Variants in CASC3 observed in about 807,000 individuals in gnomAD.
CASC3 encodes the protein CASC3 exon junction complex subunit, also known as protein CASC3.
In CASC3, 30 loss-of-function variants were observed where a neutral mutation model predicts 80.5. The observed-to-expected ratio is 0.37, with a 90% CI of 0.28 to 0.51. The LOEUF (loss-of-function observed/expected upper bound fraction) is 0.51. Among genes scored for constraint, CASC3 ranks in the 20% least tolerant of loss-of-function variants. The probability of loss-of-function intolerance (pLI) is 0.94; values close to 1 mark genes in which losing one functional copy is unlikely to be tolerated. For synonymous variants in CASC3, 312 were observed against 333.6 expected, an observed-to-expected ratio of 0.94 and a Z score of 0.70; for missense variants, 824 against 922.2, an observed-to-expected ratio of 0.89 and a Z score of 1.38.
Position 40,170,892 on chromosome 17 carries a change from G to C in CASC3, c.*487G>C. The C allele has an allele frequency of 1.0e-6, 1 of 985,236 alleles. No individual in the cohort carries two copies. Among genetic ancestry groups the C allele is most frequent in the Non-Finnish European group, 1.2e-6 (1 of 829,864 alleles). 61.0% of individuals were successfully genotyped at this position (985,236 alleles called of 1,614,324 possible). A position where few individuals can be genotyped will look rare whatever the true frequency, so the allele number is the denominator to read the frequency against. On this transcript the variant is annotated 3_prime_UTR_variant, in exon 14 of 14. Transcript: ENST00000264645. ...CTCTCCCTGCCTTTAAATGAAACAA[G>C]TCTAGTCTTCTGGTTTTCTAGCCCC...
intron 1 of CASC3, chr17:40,140,981 A>T (rs1227948581): frequency 1.6e-6 from 1 of 633,852 alleles, no homozygotes; most frequent in Admixed American, 3.2e-5. Flanking sequence ...TTCTGGGAGG[A>T]TGGTAGAGCC....
rs1230222352 is a variant in CASC3, at chr17:40,170,618, T to C, written c.*213T>C. 1.0e-6 allele frequency: 1 copy of C among 985,446 alleles called. No homozygotes were observed. Among genetic ancestry groups the C allele is most frequent in the Non-Finnish European group, 1.2e-6 (1 of 829,964 alleles). 61.0% of individuals were successfully genotyped at this position (985,446 alleles called of 1,614,324 possible). A position where few individuals can be genotyped will look rare whatever the true frequency, so the allele number is the denominator to read the frequency against. ...GGAGAAACAAGTGGACCTCGTCCCATCTTCACTCTTCACTTGAGTTGGCTG... is the reference window on the plus strand; with the variant it reads ...GGAGAAACAAGTGGACCTCGTCCCACCTTCACTCTTCACTTGAGTTGGCTG... On this transcript the variant is annotated 3_prime_UTR_variant, in exon 14 of 14. Transcript: ENST00000264645.
intron 8 of CASC3, 109 bp downstream of exon 8, chr17:40,166,970 T>G: frequency 1.2e-6 from 1 of 810,160 alleles, no homozygotes; most frequent in Non-Finnish European, 1.9e-6. Context: ...TTTCTTTCTT[T>G]TTTTTTGAGA....
At position 40,167,953 on chromosome 17, in the gene CASC3, G is replaced by GCTTT; in HGVS notation, c.1750+6_1750+9dup. ...GAATGAACCTTCCCCACCCAGGTAA[G>GCTTT]CTTTGTGTCTCTGCTTATATGCTTC... On this transcript the variant is annotated splice_donor_region_variant and intron_variant, in intron 10 of 13. Transcript: ENST00000264645. The GCTTT allele has an allele frequency of 6.2e-7, 1 of 1,613,278 alleles. No homozygotes were observed. Among genetic ancestry groups the GCTTT allele is most frequent in the Non-Finnish European group, 8.5e-7 (1 of 1,179,324 alleles).
intron 3 of CASC3, among the ~76,000 whole-genome samples, chr17:40,148,898 T>C (rs770217978): frequency 5.3e-5 from 8 of 152,060 alleles, no homozygotes; most frequent in Non-Finnish European, 8.8e-5. Flanking sequence ...CTGAAGGTTT[T>C]GGTTTCTTTT....
chr17:40,161,652 CTGGG>C (rs1989303038), intron 3 of CASC3, 97 bp from the exon 4 acceptor site: 1 of 1,013,270 alleles, frequency 9.9e-7, no homozygotes, highest in Non-Finnish European at 1.5e-6. Context: ...GTATTCCAGC[CTGGG>C]TGACAGAGAC....
intron 7 of CASC3, among the ~76,000 whole-genome samples, chr17:40,165,494 G>A (rs984137267): frequency 9.9e-5 from 15 of 152,086 alleles, no homozygotes; most frequent in African/African-American, 2.4e-5. Flanking sequence ...GCACCTGCCC[G>A]GTCATCATTG....
intron 5 of CASC3, 113 bp from the exon 6 acceptor site, chr17:40,162,612 G>A (rs1361612572): frequency 2.4e-5 from 22 of 905,730 alleles, no homozygotes; most frequent in Non-Finnish European, 3.7e-5. Flanking sequence ...GGATGATGAG[G>A]AGACTACGTA....
At chr17:40,150,659 G>C (rs1347874630) in intron 3 of CASC3, among the ~76,000 whole-genome samples, 1 of 152,104 alleles carries the variant, frequency 6.6e-6, no homozygotes, top group Non-Finnish European at 1.5e-5. Flanking sequence ...TGGATGCATT[G>C]AAAAATTAGA....
Position 40,141,209 on chromosome 17 carries a change from G to T in CASC3, c.234G>T (p.Glu78Asp). The change falls in exon 2 of 14, where the codon GAG (glutamate) becomes GAT (aspartate). Residue 78 changes from glutamate (E) to aspartate (D), a missense_variant and splice_region_variant. Around this residue, in one of 3 missense-constraint regions of CASC3, gnomAD observed 159 missense variants for 122.2 expected, o/e 1.30. Coordinates refer to ENST00000264645, the MANE Select transcript of CASC3 (RefSeq NM_007359.5). ...GAKSAEESEC[E>D]SEDGIEGDAV... ...CCATGTCTTCTGCTTTCTTTCAGGA[G>T]AGTGAAGATGGCATTGAAGGTGATG... 5 of 1,613,918 alleles carry T rather than the reference G, an allele frequency of 3.1e-6. No individual in the cohort carries two copies. The South Asian group carries it at 5.5e-5, about 18-fold the overall frequency.
intron 7 of CASC3, among the ~76,000 whole-genome samples, chr17:40,164,674 T>C (rs2145179154): frequency 6.6e-6 from 1 of 151,608 alleles, no homozygotes; most frequent in East Asian, 1.9e-4. Flanking sequence ...CTTGATCTCT[T>C]GACCTTGTGA....
intron 1 of CASC3, chr17:40,140,993 C>T: frequency 4.7e-6 from 3 of 633,398 alleles, no homozygotes; most frequent in Non-Finnish European, 8.2e-6. Context: ...GGTAGAGCCG[C>T]TGGAGATGGA....
chr17:40,157,418 G>A (rs1195950238), intron 3 of CASC3, among the ~76,000 whole-genome samples: 2 of 152,058 alleles, frequency 1.3e-5, no homozygotes, highest in African/African-American at 4.8e-5. Flanking sequence ...CCTCATGCCT[G>A]TAATCCCAGC....
At chr17:40,141,514 CA>C in intron 2 of CASC3, 55 bp from the exon 3 acceptor site, 12 of 1,476,688 alleles carry the variant, frequency 8.1e-6, no homozygotes, top group South Asian at 8.0e-5. Context: ...CTGTAATAAG[CA>C]GCCAAAAAAT....
At chr17:40,164,539 C>T (rs1039404741) in intron 7 of CASC3, among the ~76,000 whole-genome samples, 3 of 151,872 alleles carry the variant, frequency 2.0e-5, no homozygotes, top group South Asian at 2.1e-4. Context: ...TGTCCACCTC[C>T]GGGTTCAAGT....
intron 3 of CASC3, among the ~76,000 whole-genome samples, chr17:40,152,779 CTAT>C (rs989384468): frequency 1.3e-5 from 2 of 150,872 alleles, no homozygotes; most frequent in African/African-American, 2.4e-5. Flanking sequence ...ATACAGTACG[CTAT>C]TATTATTATT....
chr17:40,146,810 T>C (rs1414872406), intron 3 of CASC3, among the ~76,000 whole-genome samples: 1 of 152,014 alleles, frequency 6.6e-6, no homozygotes, highest in Non-Finnish European at 1.5e-5. Flanking sequence ...GATCTTGAAC[T>C]GGACTCAAGG....
At position 40,161,743 on chromosome 17, in the gene CASC3, CT is replaced by C; in HGVS notation, c.298-4del. 1.2e-6 allele frequency: 2 copies of C among 1,613,220 alleles called. No homozygotes were observed. The highest frequency in any genetic ancestry group is 2.2e-5 in the South Asian group (2 of 91,056). On this transcript the variant is annotated splice_polypyrimidine_tract_variant and intron_variant, in intron 3 of 13. Coordinates refer to ENST00000264645, the MANE Select transcript of CASC3 (RefSeq NM_007359.5). ...CTTATATGCATCGCTGACAGGGAAA[CT>C]TTTTTCAGGGTGAAGAAGGTGAATA...
intron 3 of CASC3, among the ~76,000 whole-genome samples, chr17:40,153,981 TAAG>T (rs1048986320): frequency 6.6e-6 from 1 of 151,794 alleles, no homozygotes; most frequent in African/African-American, 2.4e-5. Flanking sequence ...GGCTGAGGCA[TAAG>T]AATCACTTGA....
Sources: gnomAD v4.1 joint callset for allele counts (sites outside exome capture counted in the v4.1 genomes callset) on GRCh38, gnomAD v4.1.1 for gene constraint, gnomAD v4.1.1 regional missense constraint, MANE v1.5 for transcripts, NCBI Gene and HGNC (gene_info 2026-07-23, HGNC 2026-07-21) for gene names.